Variants in RAB27A observed in about 807,000 individuals in gnomAD.
RAB27A encodes ras-related protein Rab-27A.
Under a neutral mutation model 20.8 loss-of-function variants are expected in RAB27A, and 17 were observed. The observed-to-expected ratio is 0.82, with a 90% CI of 0.56 to 1.23. RAB27A has a LOEUF of 1.23. Among genes scored for constraint, RAB27A ranks in the 50% most tolerant of loss-of-function variants. The probability of loss-of-function intolerance (pLI) is 0.00; values close to 1 mark genes in which losing one functional copy is unlikely to be tolerated. For synonymous variants in RAB27A, 85 were observed against 92.8 expected (o/e 0.92, Z 0.48); for missense variants, 277 against 266.7 (o/e 1.04, Z -0.27).
At chr15:55,317,853 G>T (rs1005539931) in intron 1 of RAB27A, 2 of 395,422 alleles carry the variant, frequency 5.1e-6, no homozygotes, top group Non-Finnish European at 8.9e-6. Context: ...CCACACCCAG[G>T]AAATCTCTTC....
intron 1 of RAB27A, among the ~76,000 whole-genome samples, chr15:55,314,553 A>G (rs545398626): frequency 3.7e-4 from 56 of 152,356 alleles, no homozygotes; most frequent in Middle Eastern, 3.4e-3. Context: ...TTAAGCTGAT[A>G]AGCAACTTCA....
chr15:55,232,236 G>A (rs1433036002), intron 3 of RAB27A, among the ~76,000 whole-genome samples: 1 of 152,174 alleles, frequency 6.6e-6, no homozygotes, highest in Non-Finnish European at 1.5e-5. Flanking sequence ...CCACTAAGTT[G>A]ACTGAGCAGA....
chr15:55,265,960 G>T (rs1566928904), intron 2 of RAB27A, among the ~76,000 whole-genome samples: 1 of 152,182 alleles, frequency 6.6e-6, no homozygotes, highest in Non-Finnish European at 1.5e-5. Flanking sequence ...TGCAGGAGAG[G>T]ACCATGAGAT....
At chr15:55,318,018 G>T (rs2055067759) in intron 1 of RAB27A, among the ~76,000 whole-genome samples, 1 of 151,760 alleles carries the variant, frequency 6.6e-6, no homozygotes, top group African/African-American at 2.4e-5. Flanking sequence ...TACAGGAAGT[G>T]AATTAGGGAA....
At chr15:55,316,983 T>C (rs996521204) in intron 1 of RAB27A, among the ~76,000 whole-genome samples, 2 of 152,158 alleles carry the variant, frequency 1.3e-5, no homozygotes, top group Non-Finnish European at 2.9e-5. Flanking sequence ...ACAAACACTA[T>C]TGCAAACACC....
At chr15:55,246,536 A>G (rs1372178538) in intron 2 of RAB27A, among the ~76,000 whole-genome samples, 4 of 152,050 alleles carry the variant, frequency 2.6e-5, no homozygotes, top group African/African-American at 9.7e-5. Flanking sequence ...TGGAAAGTAA[A>G]TTCACCAAAA....
At chr15:55,267,775 GT>G (rs1170491214) in intron 2 of RAB27A, among the ~76,000 whole-genome samples, 1 of 152,164 alleles carries the variant, frequency 6.6e-6, no homozygotes, top group Non-Finnish European at 1.5e-5. Flanking sequence ...GAAGAAGACA[GT>G]TTCCCCTATG....
intron 2 of RAB27A, among the ~76,000 whole-genome samples, chr15:55,255,858 C>T (rs1232097838): frequency 6.6e-6 from 1 of 152,090 alleles, no homozygotes; most frequent in African/African-American, 2.4e-5. Context: ...ACACCATGTG[C>T]ACCAGCCAGC....
At chr15:55,262,134 T>C (rs1293484323) in intron 2 of RAB27A, among the ~76,000 whole-genome samples, 1 of 152,208 alleles carries the variant, frequency 6.6e-6, no homozygotes, top group African/African-American at 2.4e-5. Flanking sequence ...CTGTGATAAC[T>C]TTTAAACATG....
chr15:55,233,041 C>T (rs1896097236), intron 3 of RAB27A, among the ~76,000 whole-genome samples: 1 of 152,096 alleles, frequency 6.6e-6, no homozygotes, highest in Non-Finnish European at 1.5e-5. Context: ...AGGAGAATCA[C>T]TTGAACCTGG....
chr15:55,212,532 C>CTTT (rs59221045), intron 6 of RAB27A, among the ~76,000 whole-genome samples: 16,261 of 133,810 alleles, frequency 0.12, 1,239 homozygotes, highest in African/African-American at 0.17. Flanking sequence ...AGCAACAAAT[C>CTTT]TTTTTTTTTT....
At chr15:55,240,636 A>T (rs952949568) in intron 2 of RAB27A, among the ~76,000 whole-genome samples, 14 of 152,202 alleles carry the variant, frequency 9.2e-5, no homozygotes, top group African/African-American at 3.4e-4. Flanking sequence ...GGTTAAAGGC[A>T]GAAACTCTAC....
chr15:55,289,425 T>G (rs887838077), intron 1 of RAB27A: 1 of 152,262 alleles, frequency 6.6e-6, no homozygotes, highest in Admixed American at 6.5e-5. Context: ...CTGGAAAGTT[T>G]CCTACCCCTG....
At chr15:55,319,100 GC>G (rs2055099778) in exon 1 of RAB27A, 8 of 895,854 alleles carry the variant, frequency 8.9e-6, no homozygotes, top group Admixed American at 3.1e-5. Flanking sequence ...CCGCAAGGAG[GC>G]CACCACGTCG....
chr15:55,278,304 C>G (rs1263505130), intron 1 of RAB27A, among the ~76,000 whole-genome samples: 1 of 152,100 alleles, frequency 6.6e-6, no homozygotes, highest in East Asian at 1.9e-4. Flanking sequence ...AGAAATGACT[C>G]TTTTACACTA....
intron 1 of RAB27A, among the ~76,000 whole-genome samples, chr15:55,281,916 T>A (rs1898026174): frequency 6.6e-6 from 1 of 152,196 alleles, no homozygotes; most frequent in Non-Finnish European, 1.5e-5. Context: ...TTTTGTCTCA[T>A]GCTCCTCAAG....
At chr15:55,236,964 T>C (rs1402048690) in intron 2 of RAB27A, among the ~76,000 whole-genome samples, 2 of 152,176 alleles carry the variant, frequency 1.3e-5, no homozygotes, top group African/African-American at 4.8e-5. Context: ...TCTAACCATA[T>C]GCTTGTACAC....
intron 3 of RAB27A, among the ~76,000 whole-genome samples, chr15:55,233,806 T>G (rs1347016681): frequency 2.0e-5 from 3 of 152,210 alleles, no homozygotes; most frequent in African/African-American, 7.2e-5. Flanking sequence ...CCTTTTTTTG[T>G]GAATTATATC....
intron 6 of RAB27A, among the ~76,000 whole-genome samples, chr15:55,212,432 C>G (rs1254283134): frequency 6.6e-6 from 1 of 152,126 alleles, no homozygotes; most frequent in Admixed American, 6.5e-5. Context: ...CCATGTTTAT[C>G]AAAGGCTTTG....
Sources: gnomAD v4.1 joint callset for allele counts (sites outside exome capture counted in the v4.1 genomes callset) on GRCh38, gnomAD v4.1.1 for gene constraint, MANE v1.5 for transcripts, NCBI Gene and HGNC (gene_info 2026-07-23, HGNC 2026-07-21) for gene names.